The following SYNPO2 variants were observed in gnomAD, a reference collection of about 807,000 sequenced individuals.
The protein encoded by SYNPO2 is synaptopodin 2.
A neutral mutation model predicts 85.0 loss-of-function variants in SYNPO2; 56 were observed. That is an observed-to-expected ratio of 0.66 (90% CI 0.53 to 0.82). The LOEUF (loss-of-function observed/expected upper bound fraction) is 0.82. SYNPO2 is among the 40% of genes least tolerant of loss of function. SYNPO2 has a pLI of 0.00. For missense variants in SYNPO2, 1,575 were observed against 1,534.2 expected, an observed-to-expected ratio of 1.03 and a Z score of -0.44; for synonymous variants, 602 against 591.1, an observed-to-expected ratio of 1.02 and a Z score of -0.27.
intron 4 of SYNPO2, among the ~76,000 whole-genome samples, chr4:119,048,613 T>C (rs991135233): frequency 2.0e-5 from 3 of 152,116 alleles, no homozygotes; most frequent in Non-Finnish European, 4.4e-5. Context: ...GATCATGTAA[T>C]ATTTGAGTAA....
chr4:119,022,247 G>A (rs934770220), intron 1 of SYNPO2, among the ~76,000 whole-genome samples: 7 of 152,028 alleles, frequency 4.6e-5, no homozygotes, highest in African/African-American at 1.7e-4. Flanking sequence ...ATTCACCTTG[G>A]CAATGGGAAG....
chr4:118,920,746 A>C (rs192005867), intron 1 of SYNPO2, among the ~76,000 whole-genome samples: 12 of 152,258 alleles, frequency 7.9e-5, no homozygotes, highest in Non-Finnish European at 1.3e-4. Flanking sequence ...AAAACAAATA[A>C]ATATTTTCAC....
At chr4:118,920,446 T>A (rs1470255374) in intron 1 of SYNPO2, among the ~76,000 whole-genome samples, 1 of 152,110 alleles carries the variant, frequency 6.6e-6, no homozygotes, top group Non-Finnish European at 1.5e-5. Context: ...AACTTTTATC[T>A]AAGTGATTCG....
At chr4:118,923,061 A>G (rs997773266) in intron 1 of SYNPO2, among the ~76,000 whole-genome samples, 1 of 152,170 alleles carries the variant, frequency 6.6e-6, no homozygotes, top group Admixed American at 6.6e-5. Flanking sequence ...TATTTTGGAA[A>G]ACAAAATATT....
intron 1 of SYNPO2, among the ~76,000 whole-genome samples, chr4:118,867,470 T>TC (rs55897900): frequency 1.1e-4 from 16 of 146,404 alleles, no homozygotes; most frequent in Non-Finnish European, 2.0e-4. Flanking sequence ...TTTCTTTCTT[T>TC]TTTTTTTTTT....
intron 1 of SYNPO2, among the ~76,000 whole-genome samples, chr4:118,979,043 C>G (rs189491190): frequency 1.3e-5 from 2 of 152,284 alleles, no homozygotes; most frequent in East Asian, 3.9e-4. Flanking sequence ...GCGATATACT[C>G]CAGAGGTGAT....
intron 4 of SYNPO2, chr4:119,036,179 T>G: frequency 1.0e-6 from 1 of 985,404 alleles, no homozygotes; most frequent in African/African-American, 1.7e-5. Context: ...TTTGAAGTCA[T>G]GGTCATCAAA....
intron 1 of SYNPO2, among the ~76,000 whole-genome samples, chr4:118,927,723 G>GAT (rs1733766994): frequency 1.0e-5 from 1 of 99,896 alleles, no homozygotes; most frequent in Non-Finnish European, 2.2e-5. Flanking sequence ...TAGATAGATA[G>GAT]ATAGATAGAT....
chr4:118,871,846 G>T (rs568281619), intron 1 of SYNPO2, among the ~76,000 whole-genome samples: 1 of 152,216 alleles, frequency 6.6e-6, no homozygotes, highest in Non-Finnish European at 1.5e-5. Context: ...TGGGATTACA[G>T]GCGTGAGCCA....
intron 4 of SYNPO2, among the ~76,000 whole-genome samples, chr4:119,044,641 A>T (rs577328111): frequency 2.0e-5 from 3 of 152,136 alleles, no homozygotes; most frequent in Non-Finnish European, 4.4e-5. Flanking sequence ...AGTGATTAAG[A>T]TTCCTAATTT....
chr4:118,937,560 G>T (rs1734151052), intron 1 of SYNPO2, among the ~76,000 whole-genome samples: 1 of 152,276 alleles, frequency 6.6e-6, no homozygotes, highest in African/African-American at 2.4e-5. Context: ...AGGAGAAGTG[G>T]CTTGGCCTAC....
chr4:119,034,728 G>GT, intron 4 of SYNPO2: 1 of 985,548 alleles, frequency 1.0e-6, no homozygotes, highest in Non-Finnish European at 1.2e-6. Flanking sequence ...GCTCCCTGGA[G>GT]TAAGAGGAAT....
chr4:118,886,160 G>A (rs140323332), upstream of SYNPO2, among the ~76,000 whole-genome samples: 1 of 152,286 alleles, frequency 6.6e-6, no homozygotes, highest in Non-Finnish European at 1.5e-5. Context: ...CTAGACTTGA[G>A]TGGATTGAGG....
At chr4:119,047,068 A>AT (rs11321156) in intron 4 of SYNPO2, among the ~76,000 whole-genome samples, 39 of 150,384 alleles carry the variant, frequency 2.6e-4, no homozygotes, top group African/African-American at 8.3e-4. Flanking sequence ...TTGTTTATTT[A>AT]TTTTTTTTTT....
chr4:119,027,438 C>A lies in SYNPO2; in HGVS notation c.1069C>A (p.Arg357=). 6.3e-7 allele frequency: 1 copy of A among 1,581,352 alleles called. No individual in the cohort carries two copies. Among genetic ancestry groups the A allele is most frequent in the Non-Finnish European group, 8.6e-7 (1 of 1,158,026 alleles). ...RPHKHRARHA[R]LRRSESLSEK... ...TCACAAGCACCGAGCGCGGCATGCA[C>A]GTAAGTTCTGCCTGGGCTTTCAGAA... Residue 357 remains arginine, a splice_region_variant and synonymous_variant, in exon 3 of 5, where the codon CGG becomes AGG. Transcript: ENST00000307142.
intron 1 of SYNPO2, among the ~76,000 whole-genome samples, chr4:118,986,250 T>G (rs983243883): frequency 2.0e-5 from 3 of 152,210 alleles, no homozygotes; most frequent in African/African-American, 7.2e-5. Flanking sequence ...GGCTACATTT[T>G]CTATACTTAC....
intron 1 of SYNPO2, among the ~76,000 whole-genome samples, chr4:118,879,903 T>C (rs1732046010): frequency 6.6e-6 from 1 of 151,618 alleles, no homozygotes; most frequent in South Asian, 2.1e-4. Flanking sequence ...CTCTGAGGCC[T>C]GTTGCCTGTC....
At chr4:119,016,035 G>C (rs1737512945) in intron 1 of SYNPO2, among the ~76,000 whole-genome samples, 2 of 152,180 alleles carry the variant, frequency 1.3e-5, no homozygotes, top group African/African-American at 4.8e-5. Flanking sequence ...GAAATAGACT[G>C]AGGATAGGAT....
intron 1 of SYNPO2, among the ~76,000 whole-genome samples, chr4:118,984,408 A>C (rs1736142262): frequency 6.6e-6 from 1 of 152,180 alleles, no homozygotes; most frequent in South Asian, 2.1e-4. Context: ...TCTGCTCAAA[A>C]TCCTACACAC....
Sources: gnomAD v4.1 joint callset for allele counts (sites outside exome capture counted in the v4.1 genomes callset) on GRCh38, gnomAD v4.1.1 for gene constraint, MANE v1.5 for transcripts, NCBI Gene and HGNC (gene_info 2026-07-23, HGNC 2026-07-21) for gene names.